Variants in PITRM1 observed in about 807,000 individuals in gnomAD.
PITRM1 encodes pitrilysin metallopeptidase 1, also known as presequence protease, mitochondrial.
In PITRM1, 100 loss-of-function variants were observed where a neutral mutation model predicts 129.9. That is an observed-to-expected ratio of 0.77 (90% CI 0.65 to 0.91). The LOEUF (loss-of-function observed/expected upper bound fraction) is 0.91. PITRM1 is among the 40% of genes least tolerant of loss of function. The probability of loss-of-function intolerance (pLI) is 0.00; values close to 1 mark genes in which losing one functional copy is unlikely to be tolerated. For synonymous variants in PITRM1, 591 were observed against 508.8 expected (o/e 1.16, Z -2.17); for missense variants, 1,471 against 1,318.3 (o/e 1.12, Z -1.79).
Position 3,144,359 on chromosome 10 carries a change from A to G in PITRM1, c.2465T>C (p.Val822Ala), listed in dbSNP as rs745708317. 13 of 1,553,010 alleles carry G rather than the reference A, an allele frequency of 8.4e-6. No individual in the cohort carries two copies. The Admixed American group carries it at 2.3e-4, about 28-fold the overall frequency. Residue 822 changes from valine (V) to alanine (A), a missense_variant, in exon 22 of 27, where the codon GTG (valine) becomes GCG (alanine). By Grantham distance (64) the Val-to-Ala change is moderately conservative. Transcript: ENST00000224949. ...GGCATCTCCACCAGAGCTGCTGGGC[A>G]CAGGTTTCTGAAAATCAAGTTTCCA... ...PVRPHTVEKP[V>A]PSSSGGDAHV...
Position 3,166,822 on chromosome 10 carries a change from C to T in PITRM1, c.266+114G>A, listed in dbSNP as rs140948241. The T allele has an allele frequency of 3.9e-5, 23 of 595,486 alleles. 1 individual carries two copies. In the South Asian group the frequency reaches 4.0e-4, roughly 10 times the overall value. 36.9% of individuals were successfully genotyped at this position (595,486 alleles called of 1,614,324 possible). On this transcript the variant is annotated intron_variant, in intron 3 of 26. Transcript: ENST00000224949. ...GTCCTTAGTGTTAGTGTATTTTATG[C>T]GTGGCCTAAGACAGTTGTTCTTCTT...
chr10:3,149,709 T>C lies in PITRM1; in HGVS notation c.1783A>G (p.Met595Val), dbSNP rs146978510. The change falls in exon 16 of 27, where the codon ATG (methionine) becomes GTG (valine). Residue 595 changes from methionine (M) to valine (V), a missense_variant. Met to Val is a conservative substitution (Grantham distance 21). Coordinates refer to ENST00000224949, the MANE Select transcript of PITRM1 (RefSeq NM_014889.4). ...CTGGAGAAGGCCCGGAAATACACCATGCCATTGGTGGGCTGGGCGCAGTAC... is the reference window on the plus strand; with the variant it reads ...CTGGAGAAGGCCCGGAAATACACCACGCCATTGGTGGGCTGGGCGCAGTAC... ...VQYCAQPTNG[M>V]VYFRAFSSLN... The C allele has an allele frequency of 1.7e-4, 270 of 1,612,118 alleles. No individual in the cohort carries two copies. The African/African-American group carries it at 3.3e-3, about 20-fold the overall frequency.
Position 3,163,878 on chromosome 10 carries a change from TTGTC to T in PITRM1, c.634_637del (p.Asp212MetfsTer61), listed in dbSNP as rs934654834. Reference sequence around the variant, plus strand: ...AAGGTGCTGGGAGAATATCCTCTCATTGTCTGTCTTGAAACGTAAAATAAATAAA... The same window carrying T: ...AAGGTGCTGGGAGAATATCCTCTCATTGTCTTGAAACGTAAAATAAATAAA... On this transcript the variant is annotated frameshift_variant, in exon 7 of 27. Coordinates refer to ENST00000224949, the MANE Select transcript of PITRM1 (RefSeq NM_014889.4). LOFTEE classifies it high-confidence loss of function. The T allele has an allele frequency of 9.4e-6, 15 of 1,598,406 alleles. No homozygotes were observed. Among genetic ancestry groups the T allele is most frequent in the African/African-American group, 2.7e-5 (2 of 74,366 alleles).
rs1418818651 is a variant in PITRM1 at position 3,147,603 on chromosome 10, T to A, written c.2204A>T (p.Asp735Val). 2 of 1,614,012 alleles carry A rather than the reference T, an allele frequency of 1.2e-6. No individual in the cohort carries two copies. Among genetic ancestry groups the A allele is most frequent in the South Asian group, 1.1e-5 (1 of 91,090 alleles). ...CATCCCGCTGAAGGTCTCCTGCAGG[T>A]CCCCTGCGGGCGTGAGGGTCCGGCC... ...RAGRTLTPAG[D>V]LQETFSGMDQ... The change falls in exon 19 of 27, where the codon GAC becomes GTC. Residue 735 changes from aspartate to valine, a missense_variant. Asp to Val is a radical substitution (Grantham distance 152, BLOSUM62 -3). Transcript: ENST00000224949.
intron 14 of PITRM1, among the ~76,000 whole-genome samples, chr10:3,153,809 G>A (rs1209806777): frequency 6.6e-6 from 1 of 152,186 alleles, no homozygotes; most frequent in African/African-American, 2.4e-5. Flanking sequence ...TGACAAGCCT[G>A]ACAATTTCTC....
chr10:3,156,104 T>C (rs1043886365), intron 13 of PITRM1, among the ~76,000 whole-genome samples: 4 of 152,250 alleles, frequency 2.6e-5, no homozygotes, highest in Non-Finnish European at 5.9e-5. Context: ...GAAGATAATA[T>C]AGAATTCTAT....
At chr10:3,144,171 C>G in intron 22 of PITRM1, 121 bp downstream of exon 22, 1 of 650,792 alleles carries the variant, frequency 1.5e-6, no homozygotes, top group Non-Finnish European at 2.8e-6. Context: ...GAACTCGCAA[C>G]TCTAGGGACA....
chr10:3,142,170 G>T (rs1840297117), intron 23 of PITRM1, among the ~76,000 whole-genome samples: 4 of 152,220 alleles, frequency 2.6e-5, no homozygotes, highest in Admixed American at 6.5e-5. Context: ...TGCCGGCATA[G>T]CAGACAGATC....
chr10:3,141,835 C>A (rs1420318594), intron 23 of PITRM1: 1 of 278,258 alleles, frequency 3.6e-6, no homozygotes. Flanking sequence ...ACGACCATCT[C>A]GTGTGGGTCC....
In PITRM1 at chr10:3,159,930, A is replaced by G. The variant is rs781522562; in HGVS notation, c.925T>C (p.Phe309Leu). The G allele has an allele frequency of 3.1e-6, 5 of 1,596,038 alleles. No individual in the cohort carries two copies. The South Asian group carries it at 5.7e-5, about 18-fold the overall frequency. Reference protein sequence around the residue: ...AQTPWDKPREFQITCGPDSFA... With the variant: ...AQTPWDKPRELQITCGPDSFA... ...GAATCCGGGCCACATGTTATCTGGA[A>G]TTCCCTCTGTAAAATGACGTGACGT... The change falls in exon 9 of 27, where the codon TTC becomes CTC. Residue 309 changes from phenylalanine to leucine, a missense_variant. Physicochemically the swap from Phe to Leu is conservative, Grantham distance 22 (BLOSUM62 0). Transcript: ENST00000224949.
chr10:3,171,902 T>G (rs1038924666), intron 1 of PITRM1, among the ~76,000 whole-genome samples: 3 of 152,232 alleles, frequency 2.0e-5, no homozygotes, highest in African/African-American at 7.2e-5. Flanking sequence ...ATATGTCGTA[T>G]GGGATTTTCT....
In PITRM1 at chr10:3,143,423, G is replaced by A. The variant is rs761769005; in HGVS notation, c.2611C>T (p.Arg871Ter). The change falls in exon 23 of 27, where the codon CGA becomes TGA. Residue 871 changes from arginine to a stop codon, truncating the protein, a stop_gained. Transcript: ENST00000224949. LOFTEE classifies it high-confidence loss of function. Reference protein sequence around the residue: ...FPVNYVGECIRTVPYTDPDHA... With the variant: ...FPVNYVGECI ...TCTGGGTCCGTGTAGGGGACAGTTC[G>A]GATGCATTCACCCACGTAATTCACC... 14 of 1,613,210 alleles carry A rather than the reference G, an allele frequency of 8.7e-6. No individual in the cohort carries two copies. Among genetic ancestry groups the A allele is most frequent in the Non-Finnish European group, 1.1e-5 (13 of 1,179,198 alleles).
intron 1 of PITRM1, 71 bp from the exon 2 acceptor site, chr10:3,170,277 G>C (rs916275612): frequency 9.4e-7 from 1 of 1,058,542 alleles, no homozygotes; most frequent in Admixed American, 2.0e-5. Context: ...CAGCCACATA[G>C]TGAAAATACT....
rs1352211446 is a variant in PITRM1 at position 3,148,210 on chromosome 10, G to A, written c.1953C>T (p.His651=). 2.2e-5 allele frequency: 36 copies of A among 1,613,898 alleles called. No homozygotes were observed. Among genetic ancestry groups the A allele is most frequent in the East Asian group, 4.5e-5 (2 of 44,896 alleles). Residue 651 remains histidine, a synonymous_variant, in exon 17 of 27, where the codon CAC becomes CAT. Coordinates refer to ENST00000224949, the MANE Select transcript of PITRM1 (RefSeq NM_014889.4). ...CCATGTGTGAGTCGTCGGGGAGCAC[G>A]TGGGGAGAAGCACTCATCCCTCCGG... ...LKTGGMSASP[H]VLPDDSHMDT...
Position 3,149,714 on chromosome 10 carries a change from TTGG to T in PITRM1, c.1775_1777del (p.Thr592del). 6.2e-7 allele frequency: 1 copy of T among 1,612,194 alleles called. No homozygotes were observed. ...GAAGGCCCGGAAATACACCATGCCA[TTGG>T]TGGGCTGGGCGCAGTACTGAACAGG... On this transcript the variant is annotated inframe_deletion, in exon 16 of 27. Transcript: ENST00000224949.
chr10:3,166,310 C>T lies in PITRM1; in HGVS notation c.337G>A (p.Gly113Arg), dbSNP rs760016737. Residue 113 changes from glycine (G) to arginine (R), a missense_variant, in exon 4 of 27, where the codon GGG becomes AGG. Coordinates refer to ENST00000224949, the MANE Select transcript of PITRM1 (RefSeq NM_014889.4). ...PHILEHTVLC[G>R]SQKYPCRDPF... ...TCTCTGCACGGATATTTCTGAGACC[C>T]ACAAAGGACGGTATGCTCAAGAATG... is the stretch of plus-strand genomic sequence containing the variant. 6.2e-6 allele frequency: 10 copies of T among 1,611,800 alleles called. No individual in the cohort carries two copies. In the East Asian group the frequency reaches 2.0e-4, roughly 32 times the overall value.
chr10:3,171,938 T>A (rs1236111830), intron 1 of PITRM1, among the ~76,000 whole-genome samples: 2 of 152,240 alleles, frequency 1.3e-5, no homozygotes, highest in African/African-American at 4.8e-5. Flanking sequence ...ACCGAAATAT[T>A]TATTTTAAAG....
At position 3,151,282 on chromosome 10, in the gene PITRM1, G is replaced by A; in HGVS notation, c.1703C>T (p.Thr568Ile). The A allele has an allele frequency of 6.2e-7, 1 of 1,608,996 alleles. No homozygotes were observed. The highest frequency in any genetic ancestry group is 1.1e-5 in the South Asian group (1 of 89,788). Residue 568 changes from threonine (T) to isoleucine (I), a missense_variant, in exon 15 of 27, where the codon ACC becomes ATC. Coordinates refer to ENST00000224949, the MANE Select transcript of PITRM1 (RefSeq NM_014889.4). ...PALKVSDIEP[T>I]IPVTELDVVL... ...CACGTCCAACTCTGTGACAGGTATG[G>A]TGGGTTCAATATCGGAAACTTTCAA...
Position 3,170,094 on chromosome 10 carries a change from C to A in PITRM1, c.159+10G>T. On this transcript the variant is annotated intron_variant, in intron 2 of 26. Coordinates refer to ENST00000224949, the MANE Select transcript of PITRM1 (RefSeq NM_014889.4). The stretch of plus-strand genomic sequence containing the variant: ...TGGATTTATAAGGAGGTGCCGAGGA[C>A]GACCCATACCTGGTTTACGGTGAAT... 1 of 1,594,952 alleles carries A rather than the reference C, an allele frequency of 6.3e-7. No individual in the cohort carries two copies. Among genetic ancestry groups the A allele is most frequent in the Non-Finnish European group, 8.6e-7 (1 of 1,162,686 alleles).
Sources: allele counts gnomAD v4.1 joint callset (sites outside exome capture counted in the v4.1 genomes callset), GRCh38; gene constraint gnomAD v4.1.1; transcripts MANE v1.5; gene names NCBI Gene and HGNC (gene_info 2026-07-23, HGNC 2026-07-21).